Variants in PDGFA observed in about 807,000 individuals in gnomAD.
PDGFA encodes the protein platelet derived growth factor subunit A, also known as platelet-derived growth factor subunit A.
In PDGFA, 9 loss-of-function variants were observed where a neutral mutation model predicts 25.6. The ratio of observed to expected loss-of-function variants is 0.35; its 90% CI spans 0.21 to 0.61. The LOEUF is 0.61. Ranked by LOEUF, PDGFA falls within the 20% of genes least tolerant of loss-of-function variation. PDGFA has a pLI of 0.75. For synonymous variants in PDGFA, 133 were observed against 111.8 expected (o/e 1.19, Z -1.20); for missense variants, 242 against 272.8 (o/e 0.89, Z 0.79).
intron 4 of PDGFA, among the ~76,000 whole-genome samples, chr7:509,258 G>A (rs967799191): frequency 6.6e-6 from 1 of 152,222 alleles, no homozygotes; most frequent in Non-Finnish European, 1.5e-5. Context: ...GGCGTTAGGA[G>A]GTGGGGTGTC....
At chr7:511,258 G>A (rs1320260939) in intron 3 of PDGFA, among the ~76,000 whole-genome samples, 1 of 147,032 alleles carries the variant, frequency 6.8e-6, no homozygotes, top group Non-Finnish European at 1.5e-5. Flanking sequence ...GGAGGGGAGG[G>A]GAACTTAGTC....
At chr7:499,007 C>T (rs1370893320) in intron 5 of PDGFA, among the ~76,000 whole-genome samples, 2 of 152,186 alleles carry the variant, frequency 1.3e-5, no homozygotes, top group Non-Finnish European at 2.9e-5. Context: ...CCAGGCAGAC[C>T]TATGCTGATC....
At chr7:516,052 C>CCG (rs1215917614) in intron 2 of PDGFA, among the ~76,000 whole-genome samples, 1 of 120,280 alleles carries the variant, frequency 8.3e-6, no homozygotes, top group East Asian at 2.9e-4. Flanking sequence ...CCCCCCCCCC[C>CCG]ACTTTTCCAA....
At chr7:516,558 T>TG (rs1783110138) in intron 2 of PDGFA, among the ~76,000 whole-genome samples, 1 of 152,196 alleles carries the variant, frequency 6.6e-6, no homozygotes, top group Non-Finnish European at 1.5e-5. Flanking sequence ...GTGCTCATTT[T>TG]GAAAAGAGCG....
At chr7:520,657 GT>G (rs1234323176), upstream of PDGFA, 1 of 152,282 alleles carries the variant, frequency 6.6e-6, no homozygotes, top group African/African-American at 2.4e-5. Flanking sequence ...AGCCTCCCGC[GT>G]CGGGATCCGT....
intron 3 of PDGFA, 51 bp downstream of exon 3, chr7:512,300 G>A: frequency 6.5e-7 from 1 of 1,536,224 alleles, no homozygotes; most frequent in South Asian, 1.2e-5. Context: ...CGGCCTCCTG[G>A]ACTCACCCTG....
Position 517,384 on chromosome 7 carries a change from C to T in PDGFA, c.160+10G>A. 2.2e-6 allele frequency: 3 copies of T among 1,333,536 alleles called. No homozygotes were observed. Among genetic ancestry groups the T allele is most frequent in the Admixed American group, 2.7e-5 (1 of 36,452 alleles). The allele number at this position is 1,333,536 out of a possible 1,614,324, so 82.6% of individuals were successfully genotyped here. On this transcript the variant is annotated intron_variant, in intron 2 of 5. Transcript: ENST00000402802. The surrounding 1 kb of genome is among the most constrained non-coding windows in gnomAD (Gnocchi z 7.4). ...CCTCCCCGCGCGCGGAGGGAAGGGG[C>T]GCGATTTACCTACGGAGTCTATCTC...
Position 517,767 on chromosome 7 carries a change from A to G in PDGFA, c.64-277T>C, listed in dbSNP as rs534863339. Among the ~76,000 whole-genome samples the G allele has an allele frequency of 7.4e-6, 1 of 135,004 alleles. No individual in the cohort carries two copies. The highest frequency in any genetic ancestry group is 1.6e-5 in the Non-Finnish European group (1 of 63,256). 88.6% of individuals were successfully genotyped at this position (135,004 alleles called of 152,430 possible). On this transcript the variant is annotated intron_variant, in intron 1 of 5. Transcript: ENST00000402802. The surrounding 1 kb of genome is among the most constrained non-coding windows in gnomAD (Gnocchi z 7.4). ...TATATTTTCAGACAAAAGCCCCCGC[A>G]CTCCGGCCCCTCCACCCGGGGTGTC... is the stretch of plus-strand genomic sequence containing the variant.
chr7:507,827 G>A (rs554617575), intron 4 of PDGFA, among the ~76,000 whole-genome samples: 1 of 152,198 alleles, frequency 6.6e-6, no homozygotes, highest in East Asian at 1.9e-4. Flanking sequence ...TCATGCCAGG[G>A]GGACCCAGCC....
At chr7:519,076 G>T in exon 1 of PDGFA, 2 of 1,222,394 alleles carry the variant, frequency 1.6e-6, no homozygotes, top group South Asian at 1.4e-5. Context: ...CTCCTGTGGC[G>T]GCGAAATTCA....
At chr7:516,626 C>G (rs928478668) in intron 2 of PDGFA, among the ~76,000 whole-genome samples, 44 of 152,316 alleles carry the variant, frequency 2.9e-4, no homozygotes, top group African/African-American at 1.1e-3. Flanking sequence ...TAGCCCTGAG[C>G]GGGCGGGCGG....
rs920640791 is a variant in PDGFA, at chr7:500,129, C to G, written c.580+987G>C. 6.6e-6 allele frequency among the ~76,000 whole-genome samples: 1 copy of G among 152,236 alleles called. No homozygotes were observed. The highest frequency in any genetic ancestry group is 1.5e-5 in the Non-Finnish European group (1 of 68,044). On this transcript the variant is annotated intron_variant, in intron 5 of 5. Coordinates refer to ENST00000402802, the Ensembl canonical transcript of PDGFA. The surrounding 1 kb of genome is among the most constrained non-coding windows in gnomAD (Gnocchi z 5.0). ...CCAGGCGCTCAGAGCTGCCCCACCG[C>G]TGCTCAGGTCGCCCAACCTGTTCCA...
intron 4 of PDGFA, among the ~76,000 whole-genome samples, chr7:501,497 C>T (rs918195354): frequency 6.6e-6 from 1 of 152,214 alleles, no homozygotes; most frequent in Admixed American, 6.5e-5. Flanking sequence ...CCAATCATAG[C>T]CTCTGCAGCC....
At chr7:498,824 C>T (rs1782204598) in intron 5 of PDGFA, among the ~76,000 whole-genome samples, 1 of 152,216 alleles carries the variant, frequency 6.6e-6, no homozygotes, top group African/African-American at 2.4e-5. Context: ...GCCCCATTCT[C>T]CCATTGTACA....
exon 1 of PDGFA, chr7:519,053 C>T (rs971624437): frequency 1.4e-5 from 20 of 1,413,246 alleles, no homozygotes; most frequent in Non-Finnish European, 1.7e-5. Context: ...GCGGGGCGGG[C>T]GCTCCAGCCG....
chr7:502,241 T>A (rs551569081), intron 4 of PDGFA, among the ~76,000 whole-genome samples: 11 of 151,700 alleles, frequency 7.3e-5, no homozygotes, highest in Middle Eastern at 6.8e-3. Context: ...TAAAAAAAAA[T>A]TTAAAGCCAT....
intron 3 of PDGFA, 105 bp from the exon 4 acceptor site, chr7:511,101 C>G (rs941838559): frequency 7.3e-6 from 6 of 818,116 alleles, no homozygotes; most frequent in Non-Finnish European, 1.2e-5. Flanking sequence ...CCAGGGTAAG[C>G]CACAGGCCAG....
At chr7:514,177 G>T (rs757109340) in intron 2 of PDGFA, among the ~76,000 whole-genome samples, 1 of 152,208 alleles carries the variant, frequency 6.6e-6, no homozygotes, top group Non-Finnish European at 1.5e-5. Flanking sequence ...AGTGTGCGGT[G>T]GGTGCTATCA....
chr7:505,587 T>C (rs894261828), intron 4 of PDGFA, among the ~76,000 whole-genome samples: 1 of 152,142 alleles, frequency 6.6e-6, no homozygotes, highest in Admixed American at 6.5e-5. Context: ...GTATTAGCCA[T>C]GAAAGACACC....
Sources: gnomAD v4.1 joint callset for allele counts (sites outside exome capture counted in the v4.1 genomes callset) on GRCh38, gnomAD v4.1.1 for gene constraint, Gnocchi (gnomAD v3.1) non-coding constraint, MANE v1.5 for transcripts, NCBI Gene and HGNC (gene_info 2026-07-23, HGNC 2026-07-21) for gene names.